The following MVP variants were observed in gnomAD, a reference collection of about 807,000 sequenced individuals.
The protein encoded by MVP is major vault protein.
In MVP, 62 loss-of-function variants were observed where a neutral mutation model predicts 83.5. That is an observed-to-expected ratio of 0.74 (90% CI 0.61 to 0.92). The LOEUF (loss-of-function observed/expected upper bound fraction) is 0.92. MVP is among the 40% of genes least tolerant of loss of function. MVP has a pLI of 0.00. For synonymous variants in MVP, 505 were observed against 504.1 expected (o/e 1.00, Z -0.02); for missense variants, 1,000 against 1,203.4 (o/e 0.83, Z 2.50).
chr16:29,842,158 C>A, intron 10 of MVP, 46 bp downstream of exon 10: 1 of 1,539,966 alleles, frequency 6.5e-7, no homozygotes. Context: ...GGAATCCCAG[C>A]ACTTTGGGAG....
chr16:29,822,093 T>TG (rs1567385853), intron 1 of MVP, among the ~76,000 whole-genome samples: 2 of 151,264 alleles, frequency 1.3e-5, no homozygotes. Flanking sequence ...TTTTGTTTTT[T>TG]TTTTTTTTTT....
chr16:29,828,398 A>T (rs1239666886), intron 1 of MVP, among the ~76,000 whole-genome samples: 1 of 151,710 alleles, frequency 6.6e-6, no homozygotes, highest in Admixed American at 6.6e-5. Flanking sequence ...TTTGGTTTTG[A>T]GATTGGAGTC....
In MVP at chr16:29,847,454, A is replaced by G. The variant is rs541431159; in HGVS notation, c.2454+69A>G. On this transcript the variant is annotated intron_variant, in intron 14 of 14. Transcript: ENST00000357402. ...AACCAGGAAGGCAGAGCCAAGGCGGAAAACACAACATCTGGAAAGATTGTG... is the reference window on the plus strand; with the variant it reads ...AACCAGGAAGGCAGAGCCAAGGCGGGAAACACAACATCTGGAAAGATTGTG... The G allele has an allele frequency of 2.8e-6, 4 of 1,416,800 alleles. No homozygotes were observed. In the Admixed American group the frequency reaches 8.1e-5, roughly 29 times the overall value. The allele number at this position is 1,416,800 out of a possible 1,614,324, so 87.8% of individuals were successfully genotyped here.
intron 7 of MVP, 71 bp from the exon 8 acceptor site, chr16:29,840,107 A>T (rs2067521373): frequency 6.7e-7 from 1 of 1,483,744 alleles, no homozygotes; most frequent in Admixed American, 2.0e-5. Context: ...ACAGCACAGG[A>T]CTGGGGAGGT....
intron 7 of MVP, among the ~76,000 whole-genome samples, chr16:29,837,875 T>A (rs2067501321): frequency 6.6e-6 from 1 of 152,198 alleles, no homozygotes; most frequent in South Asian, 2.1e-4. Context: ...TGCTTTGTCA[T>A]CTTTTGTAAA....
At chr16:29,824,364 C>T (rs2067390820) in intron 1 of MVP, among the ~76,000 whole-genome samples, 1 of 152,080 alleles carries the variant, frequency 6.6e-6, no homozygotes, top group South Asian at 2.1e-4. Flanking sequence ...GATTCAGTGG[C>T]TCTGGGGTGG....
At position 29,833,876 on chromosome 16, in the gene MVP, G is replaced by A; in HGVS notation, c.445+20G>A. The A allele has an allele frequency of 6.2e-7, 1 of 1,614,092 alleles. No individual in the cohort carries two copies. Among genetic ancestry groups the A allele is most frequent in the Non-Finnish European group, 8.5e-7 (1 of 1,180,016 alleles). On this transcript the variant is annotated intron_variant, in intron 4 of 14. Transcript: ENST00000357402. ...GACCTGGTAAGTTCTGTCTCCATAG[G>A]GCTCCCTGCCTTCCTGTCATAGCCC...
chr16:29,822,842 C>G (rs557080935), intron 1 of MVP, among the ~76,000 whole-genome samples: 1 of 152,100 alleles, frequency 6.6e-6, no homozygotes, highest in Non-Finnish European at 1.5e-5. Flanking sequence ...CTCAGCCTCC[C>G]GAGTAGCTGA....
intron 11 of MVP, among the ~76,000 whole-genome samples, chr16:29,845,492 C>T (rs993497143): frequency 6.6e-6 from 1 of 152,202 alleles, no homozygotes; most frequent in African/African-American, 2.4e-5. Flanking sequence ...TCCAGGCAGG[C>T]TTCTCCTTCT....
rs202054737 is a variant in MVP, at chr16:29,841,907, C to T, written c.1437-8C>T. The T allele has an allele frequency of 1.4e-4, 225 of 1,611,780 alleles. No individual in the cohort carries two copies. The highest frequency in any genetic ancestry group is 5.1e-6 in the Non-Finnish European group (6 of 1,180,002). On this transcript the variant is annotated splice_region_variant and splice_polypyrimidine_tract_variant and intron_variant, in intron 9 of 14. Transcript: ENST00000357402. The surrounding 1 kb of genome is among the most constrained non-coding windows in gnomAD (Gnocchi z 4.7). Reference sequence around the variant, plus strand: ...GGGTCTGGCTCTGACCCTCGGCTGTCTCTGCAGCGTGGTCTTCGGGCCTGA... The same window carrying T: ...GGGTCTGGCTCTGACCCTCGGCTGTTTCTGCAGCGTGGTCTTCGGGCCTGA...
In MVP at chr16:29,841,425, G is replaced by A. The variant is rs1041475638; in HGVS notation, c.1192-171G>A. ...CCAAGGGGTGAGGTAGTTAGCCCAC[G>A]ATGACAGGGCCAGCAGATGGCAAAC... is the stretch of plus-strand genomic sequence containing the variant. On this transcript the variant is annotated intron_variant, in intron 8 of 14. Transcript: ENST00000357402. This position sits in a 1 kb window ranked among gnomAD's most constrained non-coding sequence, Gnocchi z 4.7. 6.6e-6 allele frequency among the ~76,000 whole-genome samples: 1 copy of A among 152,162 alleles called. No individual in the cohort carries two copies. Among genetic ancestry groups the A allele is most frequent in the Non-Finnish European group, 1.5e-5 (1 of 68,030 alleles).
chr16:29,827,818 A>T (rs905641946), intron 1 of MVP, among the ~76,000 whole-genome samples: 1 of 151,392 alleles, frequency 6.6e-6, no homozygotes, highest in Non-Finnish European at 1.5e-5. Flanking sequence ...CGGGAGGCTG[A>T]GGTGGGAGGA....
intron 11 of MVP, among the ~76,000 whole-genome samples, chr16:29,845,114 G>A (rs1427081772): frequency 6.6e-6 from 1 of 151,852 alleles, no homozygotes; most frequent in African/African-American, 2.4e-5. Flanking sequence ...CTTGAAGCCA[G>A]GAGTTTGAGG....
At position 29,840,246 on chromosome 16, in the gene MVP, G is replaced by C; in HGVS notation, c.978G>C (p.Leu326=). 2.5e-6 allele frequency: 4 copies of C among 1,614,044 alleles called. No individual in the cohort carries two copies. The highest frequency in any genetic ancestry group is 3.4e-6 in the Non-Finnish European group (4 of 1,180,006). Residue 326 remains leucine, a synonymous_variant, in exon 8 of 15, where the codon CTG becomes CTC. Coordinates refer to ENST00000357402, the MANE Select transcript of MVP (RefSeq NM_005115.5). Reference sequence around the variant, plus strand: ...AAGGCATCCAGGATGTGTATGTGCTGTCGGAGCAGCAGGGGCTGCTGCTGA... The same window carrying C: ...AAGGCATCCAGGATGTGTATGTGCTCTCGGAGCAGCAGGGGCTGCTGCTGA... The part of the protein sequence containing the change: ...LEQGIQDVYV[L]SEQQGLLLRA...
chr16:29,839,152 C>T (rs1339680727), intron 7 of MVP, among the ~76,000 whole-genome samples: 1 of 152,180 alleles, frequency 6.6e-6, no homozygotes, highest in Non-Finnish European at 1.5e-5. Context: ...CCCACCACTG[C>T]ACTCCAGCCT....
chr16:29,833,606 G>T (rs1325700755), intron 3 of MVP, 127 bp from the exon 4 acceptor site: 2 of 1,308,268 alleles, frequency 1.5e-6, no homozygotes, highest in Non-Finnish European at 2.1e-6. Flanking sequence ...CACTGTGCCC[G>T]GCCTCCACCC....
rs199637586 is a variant in MVP at position 29,841,588 on chromosome 16, G to C, written c.1192-8G>C. ...ACGGGCAGCTTCCCTCCCTGTCCTC[G>C]TCCCAAGGTGCGCGCTGTGATTGGA... On this transcript the variant is annotated splice_polypyrimidine_tract_variant and splice_region_variant and intron_variant, in intron 8 of 14. Transcript: ENST00000357402. This position sits in a 1 kb window ranked among gnomAD's most constrained non-coding sequence, Gnocchi z 4.7. 15 of 1,577,968 alleles carry C rather than the reference G, an allele frequency of 9.5e-6. No homozygotes were observed. The highest frequency in any genetic ancestry group is 4.6e-5 in the South Asian group (4 of 87,308).
In MVP at chr16:29,842,116, A is replaced by G. The variant is rs1297569041; in HGVS notation, c.1634+4A>G. 33 of 1,595,548 alleles carry G rather than the reference A, an allele frequency of 2.1e-5. No homozygotes were observed. Among genetic ancestry groups the G allele is most frequent in the Non-Finnish European group, 2.8e-5 (33 of 1,176,414 alleles). On this transcript the variant is annotated splice_donor_region_variant and intron_variant, in intron 10 of 14. Coordinates refer to ENST00000357402, the MANE Select transcript of MVP (RefSeq NM_005115.5). ...AACTGCAGCTGGCCTACAACTGGTA[A>G]AAATGGGGACAGGGCATGGGGGTGC...
chr16:29,830,942 CCT>C lies in MVP; in HGVS notation c.191_192del (p.Pro64ArgfsTer12). 1 of 1,614,072 alleles carries C rather than the reference CCT, an allele frequency of 6.2e-7. No individual in the cohort carries two copies. The highest frequency in any genetic ancestry group is 8.5e-7 in the Non-Finnish European group (1 of 1,179,986). ...PPRHYCTVANPVSRDAQGLVL... is the reference protein window; with the variant it reads ...PPRHYCTVANXVSRDAQGLVL... ...ACGTCACTACTGCACAGTGGCCAAC[CCT>C]GTGTCTCGGGATGCCCAGGGCTTGG... On this transcript the variant is annotated frameshift_variant, in exon 3 of 15. Transcript: ENST00000357402. LOFTEE classifies it high-confidence loss of function.
Sources: allele counts gnomAD v4.1 joint callset (sites outside exome capture counted in the v4.1 genomes callset), GRCh38; gene constraint gnomAD v4.1.1; non-coding constraint Gnocchi (gnomAD v3.1); transcripts MANE v1.5; gene names NCBI Gene and HGNC (gene_info 2026-07-23, HGNC 2026-07-21).